Variants in TBC1D2 observed in about 807,000 individuals in gnomAD.
TBC1D2 encodes the protein TBC1 domain family member 2, also known as TBC1 domain family member 2A.
In TBC1D2, 58 loss-of-function variants were observed where a neutral mutation model predicts 91.1. The observed-to-expected ratio is 0.64, with a 90% CI of 0.52 to 0.79. TBC1D2 has a LOEUF of 0.79. Among genes scored for constraint, TBC1D2 ranks in the 30% least tolerant of loss-of-function variants. TBC1D2 has a pLI of 0.00. For synonymous variants in TBC1D2, 482 were observed against 511.5 expected, an observed-to-expected ratio of 0.94 and a Z score of 0.78; for missense variants, 1,080 against 1,208.3, an observed-to-expected ratio of 0.89 and a Z score of 1.57.
chr9:98,252,889 G>T (rs1345717126), intron 1 of TBC1D2, among the ~76,000 whole-genome samples: 1 of 152,146 alleles, frequency 6.6e-6, no homozygotes, highest in Non-Finnish European at 1.5e-5. Flanking sequence ...TATCTCAGGG[G>T]TTCACTGGTG....
In TBC1D2 at chr9:98,238,763, C is replaced by T. The variant is rs180786381; in HGVS notation, c.648-5214G>A. Among the ~76,000 whole-genome samples, 415 of 136,276 alleles carry T rather than the reference C, an allele frequency of 3.0e-3. 131 individuals carry two copies. The highest frequency in any genetic ancestry group is 0.015 in the African/African-American group (401 of 27,044). 89.4% of individuals were successfully genotyped at this position (136,276 alleles called of 152,430 possible). On this transcript the variant is annotated intron_variant, in intron 3 of 12. Transcript: ENST00000465784. The stretch of plus-strand genomic sequence containing the variant: ...GTTTTTTGTTTTTTGTTTTCTGAGA[C>T]GGAGCTGCTCTGTCGCCCAGGCTGG...
At chr9:98,201,421 CA>C in intron 11 of TBC1D2, 57 bp downstream of exon 11, 1 of 1,514,986 alleles carries the variant, frequency 6.6e-7, no homozygotes, top group South Asian at 1.2e-5. Flanking sequence ...AGTCAAGACG[CA>C]GATGGGTGAA....
intron 3 of TBC1D2, chr9:98,234,693 T>C (rs1829458832): frequency 6.6e-6 from 1 of 152,280 alleles, no homozygotes; most frequent in Admixed American, 6.5e-5. Context: ...ATCCATCCTG[T>C]CTCCCAGTGG....
chr9:98,203,476 G>T, intron 9 of TBC1D2, 68 bp from the exon 10 acceptor site: 1 of 1,591,474 alleles, frequency 6.3e-7, no homozygotes, highest in Non-Finnish European at 8.5e-7. Flanking sequence ...ACATGGCAGA[G>T]GTGGCTTCCT....
At chr9:98,205,155 G>A (rs1210800127) in intron 9 of TBC1D2, among the ~76,000 whole-genome samples, 2 of 152,174 alleles carry the variant, frequency 1.3e-5, no homozygotes, top group Non-Finnish European at 2.9e-5. Context: ...ACAGAACCCA[G>A]GGCTCCCAAA....
chr9:98,200,517 GATAGGCTCCAGGGGGC>G, intron 11 of TBC1D2, 143 bp from the exon 12 acceptor site: 1 of 470,874 alleles, frequency 2.1e-6, no homozygotes, highest in Non-Finnish European at 3.8e-6. Context: ...AATGTGTGGG[GATAGGCTCCAGGGGGC>G]TGGGGGAGAC....
At chr9:98,226,738 T>C (rs567155461) in intron 5 of TBC1D2, among the ~76,000 whole-genome samples, 4 of 152,316 alleles carry the variant, frequency 2.6e-5, no homozygotes, top group East Asian at 3.9e-4. Flanking sequence ...AAGTCGAGGT[T>C]TGGTGGAAGG....
In TBC1D2 at chr9:98,251,777, T is replaced by C. The variant is rs371377524; in HGVS notation, c.511+8A>G. 32 of 1,575,524 alleles carry C rather than the reference T, an allele frequency of 2.0e-5. No homozygotes were observed. Among genetic ancestry groups the C allele is most frequent in the African/African-American group, 1.7e-4 (12 of 72,464 alleles). On this transcript the variant is annotated splice_region_variant and intron_variant, in intron 2 of 12. Coordinates refer to ENST00000465784, the MANE Select transcript of TBC1D2 (RefSeq NM_001267571.2). ...GGTGTGCAGGCAGGAGGGTAGCCCA[T>C]TGGGTACCTAGCTCGAGGTGCAGGA... is the stretch of plus-strand genomic sequence containing the variant.
chr9:98,216,000 C>G (rs989136118), intron 6 of TBC1D2, among the ~76,000 whole-genome samples: 3 of 152,220 alleles, frequency 2.0e-5, no homozygotes, highest in Non-Finnish European at 4.4e-5. Flanking sequence ...AACAACACAT[C>G]AAAGACGCTG....
chr9:98,203,330 G>A lies in TBC1D2; in HGVS notation c.2229C>T (p.Ile743=). The A allele has an allele frequency of 6.2e-7, 1 of 1,614,258 alleles. No homozygotes were observed. ...TGTTGCAGTAGTAATCAGCGGGCATGATGGTCTCCACAATGGCCACCAGGC... is the reference window on the plus strand; with the variant it reads ...TGTTGCAGTAGTAATCAGCGGGCATAATGGTCTCCACAATGGCCACCAGGC... ...FWCLVAIVET[I]MPADYYCNTL... The change falls in exon 10 of 13, where the codon ATC becomes ATT. Residue 743 remains isoleucine (I), a synonymous_variant. Transcript: ENST00000465784.
In TBC1D2 at chr9:98,201,521, G is replaced by A; in HGVS notation, c.2415C>T (p.Ile805=). 6.2e-7 allele frequency: 1 copy of A among 1,614,128 alleles called. No homozygotes were observed. Among genetic ancestry groups the A allele is most frequent in the Non-Finnish European group, 8.5e-7 (1 of 1,180,014 alleles). ...VVFADSLISN[I]LLRVWDAFLY... is the part of the protein sequence containing the mutation. ...GGAAGGCATCCCAGACCCGAAGGAG[G>A]ATGTTGCTAATGAGACTGTCCGCAA... Residue 805 remains isoleucine (I), a synonymous_variant, in exon 11 of 13, where the codon ATC becomes ATT. Coordinates refer to ENST00000465784, the MANE Select transcript of TBC1D2 (RefSeq NM_001267571.2).
intron 2 of TBC1D2, among the ~76,000 whole-genome samples, chr9:98,246,606 G>T (rs1159321233): frequency 6.6e-6 from 1 of 152,140 alleles, no homozygotes; most frequent in Admixed American, 6.6e-5. Context: ...AGGGGAAAAA[G>T]TGCACACCTG....
intron 5 of TBC1D2, among the ~76,000 whole-genome samples, chr9:98,227,213 G>C (rs1829253008): frequency 6.6e-6 from 1 of 152,126 alleles, no homozygotes; most frequent in Non-Finnish European, 1.5e-5. Context: ...GCAGCAGAGG[G>C]GACCTCACGT....
Position 98,212,973 on chromosome 9 carries a change from G to A in TBC1D2, c.1485+135C>T. 4 of 903,542 alleles carry A rather than the reference G, an allele frequency of 4.4e-6. No individual in the cohort carries two copies. In the East Asian group the frequency reaches 1.0e-4, roughly 24 times the overall value. The allele number at this position is 903,542 out of a possible 1,614,324, so 56.0% of individuals were successfully genotyped here. ...GGGGTCTGGAGAAGAACCTGATATG[G>A]GCCCTGCTCACAAGGGGTCAGTTCA... is the stretch of plus-strand genomic sequence containing the variant. On this transcript the variant is annotated intron_variant, in intron 7 of 12. Transcript: ENST00000465784.
intron 12 of TBC1D2, 50 bp downstream of exon 12, chr9:98,200,203 C>T: frequency 6.2e-7 from 1 of 1,608,366 alleles, no homozygotes; most frequent in African/African-American, 1.3e-5. Context: ...TGCTATGTGT[C>T]CTTGGGGGTG....
chr9:98,214,821 G>T (rs1466976747), intron 6 of TBC1D2, among the ~76,000 whole-genome samples: 1 of 152,188 alleles, frequency 6.6e-6, no homozygotes, highest in Non-Finnish European at 1.5e-5. Context: ...CACACTAGAA[G>T]GGCCTCTGCT....
chr9:98,202,765 A>G (rs556912805), intron 10 of TBC1D2, among the ~76,000 whole-genome samples: 1 of 152,384 alleles, frequency 6.6e-6, no homozygotes, highest in South Asian at 2.1e-4. Flanking sequence ...AAAATATGGA[A>G]AAAAGGGTCA....
At chr9:98,212,027 C>G (rs567677222) in intron 7 of TBC1D2, among the ~76,000 whole-genome samples, 22 of 152,038 alleles carry the variant, frequency 1.4e-4, no homozygotes, top group Admixed American at 1.2e-3. Context: ...TGAACTCTAG[C>G]CCCAAGGGAT....
At chr9:98,207,308 A>G (rs78824653) in intron 9 of TBC1D2, among the ~76,000 whole-genome samples, 1 of 152,366 alleles carries the variant, frequency 6.6e-6, no homozygotes, top group East Asian at 1.9e-4. Flanking sequence ...TCTAAAAAAA[A>G]GCAGCATGGC....
Sources: gnomAD v4.1 joint callset for allele counts (sites outside exome capture counted in the v4.1 genomes callset) on GRCh38, gnomAD v4.1.1 for gene constraint, MANE v1.5 for transcripts, NCBI Gene and HGNC (gene_info 2026-07-23, HGNC 2026-07-21) for gene names.